The following CUL3 variants were observed in gnomAD, a reference collection of about 807,000 sequenced individuals.
The protein encoded by CUL3 is cullin-3.
Under a neutral mutation model 89.1 loss-of-function variants are expected in CUL3, and 19 were observed. That is an observed-to-expected ratio of 0.21 (90% CI 0.15 to 0.31). CUL3 has a LOEUF of 0.31. Among genes scored for constraint, CUL3 ranks in the 10% least tolerant of loss-of-function variants. The pLI is 1.00. For missense variants in CUL3, 469 were observed against 942.3 expected, an observed-to-expected ratio of 0.50 and a Z score of 6.58; for synonymous variants, 351 against 308.4, an observed-to-expected ratio of 1.14 and a Z score of -1.45.
At chr2:224,568,514 CAAT>C (rs1490397189) in intron 1 of CUL3, among the ~76,000 whole-genome samples, 2 of 152,186 alleles carry the variant, frequency 1.3e-5, no homozygotes, top group Non-Finnish European at 2.9e-5. Flanking sequence ...TTATAAGGCA[CAAT>C]GATACAGGAA....
At chr2:224,481,636 G>A (rs1262358442) in intron 14 of CUL3, among the ~76,000 whole-genome samples, 1 of 151,976 alleles carries the variant, frequency 6.6e-6, no homozygotes, top group Non-Finnish European at 1.5e-5. Context: ...TTCATAAACT[G>A]TATTCTATTT....
chr2:224,549,475 C>T (rs1009377041), intron 2 of CUL3, among the ~76,000 whole-genome samples: 1 of 152,092 alleles, frequency 6.6e-6, no homozygotes, highest in East Asian at 1.9e-4. Context: ...TGGGCTAAAA[C>T]GACCAACTCC....
intron 13 of CUL3, among the ~76,000 whole-genome samples, chr2:224,487,829 T>C (rs1691794218): frequency 6.6e-6 from 1 of 152,200 alleles, no homozygotes; most frequent in African/African-American, 2.4e-5. Flanking sequence ...TATTCTAATA[T>C]TGACCACATA....
intron 6 of CUL3, among the ~76,000 whole-genome samples, chr2:224,507,250 T>C (rs1051868491): frequency 1.1e-4 from 16 of 152,162 alleles, no homozygotes; most frequent in Non-Finnish European, 1.9e-4. Flanking sequence ...TTAAATGTCC[T>C]AGCAAATTTA....
chr2:224,578,614 G>A (rs1695365349), intron 1 of CUL3, among the ~76,000 whole-genome samples: 1 of 152,092 alleles, frequency 6.6e-6, no homozygotes, highest in Non-Finnish European at 1.5e-5. Flanking sequence ...GACACTGATA[G>A]ACTAATAACT....
At chr2:224,498,531 G>A (rs1032904039) in intron 11 of CUL3, among the ~76,000 whole-genome samples, 5 of 152,164 alleles carry the variant, frequency 3.3e-5, no homozygotes, top group East Asian at 1.9e-4. Context: ...ACTTTGGGGA[G>A]GGAAAAAACC....
intron 3 of CUL3, among the ~76,000 whole-genome samples, chr2:224,532,310 T>C (rs539931725): frequency 6.6e-6 from 1 of 151,784 alleles, no homozygotes; most frequent in East Asian, 1.9e-4. Context: ...GGGGGGATGG[T>C]GGGGGCAGTT....
In CUL3 at chr2:224,585,076, C is replaced by A; in HGVS notation, c.-67G>T. 2.2e-6 allele frequency: 3 copies of A among 1,344,836 alleles called. No individual in the cohort carries two copies. The highest frequency in any genetic ancestry group is 1.5e-5 in the African/African-American group (1 of 64,546). The allele number at this position is 1,344,836 out of a possible 1,614,324, so 83.3% of individuals were successfully genotyped here. A position where few individuals can be genotyped will look rare whatever the true frequency, so the allele number is the denominator to read the frequency against. On this transcript the variant is annotated 5_prime_UTR_variant, in exon 1 of 16. Transcript: ENST00000264414. ...CGCGACGCCGGTGTCACATTTAAGG[C>A]GGGCAGGCAGGCTAGGGGCGACGCT...
rs1026780963 is a variant in CUL3 at position 224,585,195 on chromosome 2, G to C, written c.-186C>G. The C allele has an allele frequency of 3.4e-6, 1 of 295,694 alleles. No homozygotes were observed. Among genetic ancestry groups the C allele is most frequent in the Admixed American group, 5.9e-5 (1 of 17,054 alleles). The allele number at this position is 295,694 out of a possible 1,614,324, so 18.3% of individuals were successfully genotyped here. ...CGGCGGGGGCGGCGGCGGCGGCGGC[G>C]GCGGCTCGGACTCTGGCGACTCCGA... is the stretch of plus-strand genomic sequence containing the variant. On this transcript the variant is annotated 5_prime_UTR_variant, in exon 1 of 16. Coordinates refer to ENST00000264414, the MANE Select transcript of CUL3 (RefSeq NM_003590.5).
At chr2:224,498,124 C>A (rs1315629819) in intron 11 of CUL3, among the ~76,000 whole-genome samples, 1 of 152,164 alleles carries the variant, frequency 6.6e-6, no homozygotes, top group Non-Finnish European at 1.5e-5. Flanking sequence ...TGCTGCTCAG[C>A]CCTTGCTGTT....
At chr2:224,480,178 C>A (rs2106147740) in intron 14 of CUL3, 1 of 152,566 alleles carries the variant, frequency 6.6e-6, no homozygotes, top group South Asian at 2.0e-4. Context: ...TAATCTAATT[C>A]TTTTCAAAGG....
chr2:224,492,113 C>CA (rs1692005814), intron 13 of CUL3, among the ~76,000 whole-genome samples: 1 of 152,100 alleles, frequency 6.6e-6, no homozygotes, highest in African/African-American at 2.4e-5. Context: ...TCAGTTTTAG[C>CA]AAAAAAATTA....
At position 224,528,794 on chromosome 2, in the gene CUL3, T is replaced by C. The variant is rs113663457; in HGVS notation, c.378+6734A>G. On this transcript the variant is annotated intron_variant, in intron 3 of 15. Coordinates refer to ENST00000264414, the MANE Select transcript of CUL3 (RefSeq NM_003590.5). The stretch of plus-strand genomic sequence containing the variant: ...TTACTCTCTCCCCATTCCTTTGAAT[T>C]TATTCCCTCTAATCTCCTTTCAGAA... Among the ~76,000 whole-genome samples, 942 of 152,262 alleles carry C rather than the reference T, an allele frequency of 6.2e-3. 14 individuals carry two copies. The highest frequency in any genetic ancestry group is 0.022 in the African/African-American group (894 of 41,564).
intron 2 of CUL3, among the ~76,000 whole-genome samples, chr2:224,555,081 A>T (rs1257929562): frequency 6.6e-6 from 1 of 152,286 alleles, no homozygotes; most frequent in South Asian, 2.1e-4. Flanking sequence ...CCCAAGCTCT[A>T]AATCTATGTG....
intron 6 of CUL3, among the ~76,000 whole-genome samples, chr2:224,508,597 T>C (rs940005366): frequency 2.6e-5 from 4 of 152,224 alleles, no homozygotes; most frequent in African/African-American, 7.2e-5. Flanking sequence ...AAAGGGAATG[T>C]AAAAGTAAAT....
intron 3 of CUL3, among the ~76,000 whole-genome samples, chr2:224,530,193 C>T (rs111260824): frequency 0.014 from 2,078 of 152,148 alleles, 28 homozygotes; most frequent in Middle Eastern, 0.044. Flanking sequence ...GAGCCAAGAT[C>T]GCGCCACTGC....
intron 15 of CUL3, among the ~76,000 whole-genome samples, chr2:224,474,997 T>C (rs1484299499): frequency 1.3e-5 from 2 of 152,202 alleles, no homozygotes; most frequent in Non-Finnish European, 2.9e-5. Flanking sequence ...ATCTGTCATT[T>C]TGCATGTATG....
intron 13 of CUL3, among the ~76,000 whole-genome samples, chr2:224,482,490 T>C (rs1020852355): frequency 8.6e-5 from 13 of 151,772 alleles, no homozygotes; most frequent in South Asian, 2.1e-4. Context: ...ATTTCTTTCA[T>C]AGAAAAAAGG....
intron 12 of CUL3, among the ~76,000 whole-genome samples, chr2:224,496,930 C>T (rs916762136): frequency 6.6e-6 from 1 of 152,134 alleles, no homozygotes; most frequent in African/African-American, 2.4e-5. Flanking sequence ...TCTTTAGTTT[C>T]CTTGTCCTTC....
Sources: allele counts gnomAD v4.1 joint callset (sites outside exome capture counted in the v4.1 genomes callset), GRCh38; gene constraint gnomAD v4.1.1; transcripts MANE v1.5; gene names NCBI Gene and HGNC (gene_info 2026-07-23, HGNC 2026-07-21).